SPOCK3: variants seen among roughly 807,000 people sequenced by gnomAD.
SPOCK3 encodes SPARC (osteonectin), cwcv and kazal like domains proteoglycan 3, also known as testican-3.
In SPOCK3, 30 loss-of-function variants were observed where a neutral mutation model predicts 56.6. That is an observed-to-expected ratio of 0.53 (90% confidence interval 0.40 to 0.72). The LOEUF (loss-of-function observed/expected upper bound fraction) is 0.72, where lower values mean the gene tolerates loss of function less well. Ranked by LOEUF, SPOCK3 falls within the 30% of genes least tolerant of loss-of-function variation. The pLI, the probability that SPOCK3 is intolerant of heterozygous loss-of-function variation, is 0.00. For synonymous variants in SPOCK3, 196 were observed against 183.3 expected, an observed-to-expected ratio of 1.07 and a Z score of -0.56; for missense variants, 527 against 530.0, an observed-to-expected ratio of 0.99 and a Z score of 0.06.
rs530435487 is a variant in SPOCK3 at position 166,882,943 on chromosome 4, G to A, written c.589+6187C>T. ...AACTGACTTAATTTTATTTTTCCATGGCTCCAATTAAACAAAATTACAGAA... is the reference window on the plus strand; with the variant it reads ...AACTGACTTAATTTTATTTTTCCATAGCTCCAATTAAACAAAATTACAGAA... On this transcript the variant is annotated intron_variant, in intron 6 of 10. Coordinates refer to ENST00000357545, the MANE Select transcript of SPOCK3 (RefSeq NM_001040159.2). 2.0e-5 allele frequency: 3 copies of A among 151,928 alleles called. No individual in the cohort carries two copies. The East Asian group carries it at 5.8e-4, about 29-fold the overall frequency. 9.4% of individuals were successfully genotyped at this position (151,928 alleles called of 1,614,324 possible). A position where few individuals can be genotyped will look rare whatever the true frequency, so the allele number is the denominator to read the frequency against.
At chr4:167,124,731 CAGAT>C (rs1580368934) in intron 2 of SPOCK3, among the ~76,000 whole-genome samples, 1 of 151,992 alleles carries the variant, frequency 6.6e-6, no homozygotes, top group East Asian at 1.9e-4. Flanking sequence ...ATTATGTCAT[CAGAT>C]AGAAGCCCTC....
chr4:166,893,375 C>A (rs1408975478), intron 5 of SPOCK3, among the ~76,000 whole-genome samples: 1 of 151,980 alleles, frequency 6.6e-6, no homozygotes, highest in East Asian at 1.9e-4. Flanking sequence ...TTCTACAAAC[C>A]AACTTAATTA....
At chr4:166,912,299 TTTA>T (rs1561001165) in intron 5 of SPOCK3, among the ~76,000 whole-genome samples, 5 of 152,176 alleles carry the variant, frequency 3.3e-5, no homozygotes, top group Admixed American at 2.6e-4. Flanking sequence ...TTGTAGCACA[TTTA>T]TTGTTGTTAA....
intron 6 of SPOCK3, among the ~76,000 whole-genome samples, chr4:166,813,936 C>T (rs1257865343): frequency 6.6e-6 from 1 of 152,014 alleles, no homozygotes; most frequent in Non-Finnish European, 1.5e-5. Flanking sequence ...AACTTGAATT[C>T]TGCTAAAATT....
intron 8 of SPOCK3, among the ~76,000 whole-genome samples, chr4:166,746,107 G>T (rs1172543603): frequency 6.6e-6 from 1 of 152,054 alleles, no homozygotes; most frequent in East Asian, 1.9e-4. Context: ...AGATATCCAG[G>T]CCTTGAACTC....
chr4:167,087,090 C>A (rs570659774), intron 2 of SPOCK3, among the ~76,000 whole-genome samples: 1 of 151,956 alleles, frequency 6.6e-6, no homozygotes, highest in Non-Finnish European at 1.5e-5. Flanking sequence ...AATAATTTGT[C>A]GGCAAATAAT....
chr4:167,096,791 T>C (rs1759197836), intron 2 of SPOCK3, among the ~76,000 whole-genome samples: 1 of 151,906 alleles, frequency 6.6e-6, no homozygotes. Flanking sequence ...AATACTATTG[T>C]ACATTCATTT....
intron 5 of SPOCK3, among the ~76,000 whole-genome samples, chr4:166,902,614 A>C (rs1736169849): frequency 6.6e-6 from 1 of 151,254 alleles, no homozygotes; most frequent in African/African-American, 2.4e-5. Context: ...ATTTGCATAT[A>C]TTTCACACAT....
intron 2 of SPOCK3, among the ~76,000 whole-genome samples, chr4:167,161,102 A>C (rs1446451451): frequency 2.0e-5 from 3 of 152,224 alleles, no homozygotes; most frequent in Non-Finnish European, 4.4e-5. Context: ...CAGAGTGAAC[A>C]GGCAACCTAC....
In SPOCK3 at chr4:166,740,032, G is replaced by A. The variant is rs150249116; in HGVS notation, c.994+1965C>T. Among the ~76,000 whole-genome samples the A allele has an allele frequency of 2.6e-5, 4 of 152,230 alleles. No individual in the cohort carries two copies. In the East Asian group the frequency reaches 7.7e-4, roughly 29 times the overall value. ...GCTTTTACAACTACCATTTGAATTT[G>A]ACATAAACATGTTATGATGTATAGT... On this transcript the variant is annotated intron_variant, in intron 9 of 10. Coordinates refer to ENST00000357545, the MANE Select transcript of SPOCK3 (RefSeq NM_001040159.2).
At chr4:166,768,145 T>A (rs1738386214) in intron 7 of SPOCK3, among the ~76,000 whole-genome samples, 1 of 152,220 alleles carries the variant, frequency 6.6e-6, no homozygotes, top group Admixed American at 6.5e-5. Flanking sequence ...TTTATCCAAT[T>A]TGCCAGTCTG....
chr4:167,047,619 G>T (rs1189919236), intron 3 of SPOCK3, among the ~76,000 whole-genome samples: 2 of 152,150 alleles, frequency 1.3e-5, no homozygotes, highest in Non-Finnish European at 2.9e-5. Context: ...TAAAAATTTA[G>T]ATTCTAACTT....
At chr4:167,122,290 G>A (rs748631501) in intron 2 of SPOCK3, among the ~76,000 whole-genome samples, 1 of 152,110 alleles carries the variant, frequency 6.6e-6, no homozygotes, top group Non-Finnish European at 1.5e-5. Context: ...CCAAGTAGCT[G>A]GGACAGGCGT....
At chr4:166,737,653 A>G in intron 9 of SPOCK3, 49 bp from the exon 10 acceptor site, 1 of 1,563,296 alleles carries the variant, frequency 6.4e-7, no homozygotes, top group Non-Finnish European at 8.7e-7. Flanking sequence ...TAGTTTATGA[A>G]TAAGCTGTGC....
At chr4:166,962,481 C>T (rs1043973469) in intron 4 of SPOCK3, among the ~76,000 whole-genome samples, 1 of 151,972 alleles carries the variant, frequency 6.6e-6, no homozygotes. Flanking sequence ...GTGTTTGTAT[C>T]GTGATATTCA....
At chr4:167,018,780 A>T (rs1401017331) in intron 3 of SPOCK3, among the ~76,000 whole-genome samples, 1 of 151,946 alleles carries the variant, frequency 6.6e-6, no homozygotes, top group Non-Finnish European at 1.5e-5. Flanking sequence ...GAATAGCTTC[A>T]TGTTGGCTTC....
At chr4:166,992,589 C>A (rs1252047518) in intron 4 of SPOCK3, among the ~76,000 whole-genome samples, 1 of 152,132 alleles carries the variant, frequency 6.6e-6, no homozygotes, top group Non-Finnish European at 1.5e-5. Context: ...GCCCTTCCTG[C>A]AATTCAGAAA....
intron 2 of SPOCK3, among the ~76,000 whole-genome samples, chr4:167,191,867 G>GA (rs1452844894): frequency 6.9e-6 from 1 of 145,016 alleles, no homozygotes; most frequent in Non-Finnish European, 1.5e-5. Context: ...TTGATCTTAG[G>GA]AAAAAAACCT....
intron 5 of SPOCK3, among the ~76,000 whole-genome samples, chr4:166,892,090 T>C (rs1734847204): frequency 6.6e-6 from 1 of 152,044 alleles, no homozygotes; most frequent in Non-Finnish European, 1.5e-5. Flanking sequence ...CAAAAGTTGA[T>C]GATTCATTTT....
Sources: allele counts gnomAD v4.1 joint callset (sites outside exome capture counted in the v4.1 genomes callset), GRCh38; gene constraint gnomAD v4.1.1; transcripts MANE v1.5; gene names NCBI Gene and HGNC (gene_info 2026-07-23, HGNC 2026-07-21).